PPP2R2D: variants seen among roughly 807,000 people sequenced by gnomAD.
The protein encoded by PPP2R2D is protein phosphatase 2 regulatory subunit Bdelta, also known as serine/threonine-protein phosphatase 2A 55 kDa regulatory subunit B delta isoform.
In PPP2R2D, 9 loss-of-function variants were observed where a neutral mutation model predicts 31.1. The ratio of observed to expected loss-of-function variants is 0.29; its 90% CI spans 0.17 to 0.51. The LOEUF (loss-of-function observed/expected upper bound fraction) is 0.51, where lower values mean the gene tolerates loss of function less well. Among genes scored for constraint, PPP2R2D ranks in the 20% least tolerant of loss-of-function variants. PPP2R2D has a pLI of 0.98. For synonymous variants in PPP2R2D, 179 were observed against 172.6 expected (o/e 1.04, Z -0.29); for missense variants, 391 against 465.6 (o/e 0.84, Z 1.48).
the PPP2R2D span, among the ~76,000 whole-genome samples, chr10:131,966,014 C>T: frequency 4.6e-5 from 7 of 152,216 alleles, no homozygotes; most frequent in African/African-American, 1.2e-4. Flanking sequence ...ATAAATACTG[C>T]GTATTTAGTT....
downstream of PPP2R2D, among the ~76,000 whole-genome samples, chr10:131,963,325 A>G (rs1554901750): frequency 6.6e-6 from 1 of 152,214 alleles, no homozygotes; most frequent in Non-Finnish European, 1.5e-5. Flanking sequence ...TTCTTAAAGA[A>G]GCTGTGAACT....
At chr10:131,968,709 A>C in the PPP2R2D span, 15 of 635,574 alleles carry the variant, frequency 2.4e-5, 1 homozygote, top group South Asian at 9.8e-5. Flanking sequence ...AAATTTTGTA[A>C]TGAATCTATC....
Position 131,904,928 on chromosome 10 carries a change from A to G in PPP2R2D, c.100+3598A>G, listed in dbSNP as rs900240382. ...ACTAATAGTTTTGGGCTGGGGAATC[A>G]GAATCAACCTATGGTGAAAGTGCTG... On this transcript the variant is annotated intron_variant, in intron 2 of 8. Coordinates refer to ENST00000455566, the MANE Select transcript of PPP2R2D (RefSeq NM_018461.5). Among the ~76,000 whole-genome samples the G allele has an allele frequency of 4.6e-5, 7 of 152,220 alleles. No individual in the cohort carries two copies. In the South Asian group the frequency reaches 8.3e-4, roughly 18 times the overall value.
intron 5 of PPP2R2D, among the ~76,000 whole-genome samples, chr10:131,943,168 G>T (rs1466940048): frequency 2.0e-5 from 3 of 152,072 alleles, no homozygotes; most frequent in East Asian, 3.9e-4. Flanking sequence ...TATTCCTCAC[G>T]CCTGAGCTCT....
Position 131,957,495 on chromosome 10 carries a change from G to C in PPP2R2D, c.*1532G>C, listed in dbSNP as rs1554900240. On this transcript the variant is annotated 3_prime_UTR_variant, in exon 9 of 9. Transcript: ENST00000455566. ...CATGCCCCTGTCTGGATGAAGGTGT[G>C]TGCTGATCCCCCGTCCCCCTGTGGA... is the stretch of plus-strand genomic sequence containing the variant. 5.3e-6 allele frequency: 1 copy of C among 187,866 alleles called. No homozygotes were observed. The allele number at this position is 187,866 out of a possible 1,614,324, so 11.6% of individuals were successfully genotyped here. A position where few individuals can be genotyped will look rare whatever the true frequency, so the allele number is the denominator to read the frequency against.
In PPP2R2D at chr10:131,947,585, A is replaced by T. The variant is rs1452911184; in HGVS notation, c.876A>T (p.Ser292=). 2.1e-5 allele frequency: 34 copies of T among 1,614,120 alleles called. No individual in the cohort carries two copies. Among genetic ancestry groups the T allele is most frequent in the Admixed American group, 1.8e-4 (11 of 60,010 alleles). ...SSRSFFSEII[S]SISDVKFSHS... is the part of the protein sequence containing the mutation. ...GGTCCTTCTTCTCAGAAATAATTTCATCCATATCCGATGTAAAATTCAGTC... is the reference window on the plus strand; with the variant it reads ...GGTCCTTCTTCTCAGAAATAATTTCTTCCATATCCGATGTAAAATTCAGTC... The change falls in exon 8 of 9, where the codon TCA becomes TCT. Residue 292 remains serine, a synonymous_variant. Coordinates refer to ENST00000455566, the MANE Select transcript of PPP2R2D (RefSeq NM_018461.5). The surrounding 1 kb of genome is among the most constrained non-coding windows in gnomAD (Gnocchi z 4.3).
chr10:131,913,997 G>A (rs956821762), intron 2 of PPP2R2D, among the ~76,000 whole-genome samples: 3 of 152,188 alleles, frequency 2.0e-5, no homozygotes, highest in Non-Finnish European at 4.4e-5. Flanking sequence ...ACCTACCACT[G>A]CACCGGCACA....
chr10:131,910,856 A>G (rs1282546141), intron 2 of PPP2R2D, among the ~76,000 whole-genome samples: 2 of 152,140 alleles, frequency 1.3e-5, no homozygotes, highest in African/African-American at 4.8e-5. Flanking sequence ...CTGAAGGTTA[A>G]GCTGATCACC....
chr10:131,905,331 C>G (rs1255941392), intron 2 of PPP2R2D, among the ~76,000 whole-genome samples: 2 of 152,194 alleles, frequency 1.3e-5, no homozygotes, highest in Non-Finnish European at 2.9e-5. Flanking sequence ...TGGCTCCTTT[C>G]TGGAAATTGT....
chr10:131,929,117 C>T (rs1241197439), intron 2 of PPP2R2D, among the ~76,000 whole-genome samples: 1 of 152,204 alleles, frequency 6.6e-6, no homozygotes, highest in African/African-American at 2.4e-5. Flanking sequence ...CTTGTCATTG[C>T]CCCCTGTACT....
chr10:131,960,209 C>T (rs989155353), downstream of PPP2R2D, among the ~76,000 whole-genome samples: 7 of 152,150 alleles, frequency 4.6e-5, no homozygotes, highest in Non-Finnish European at 7.4e-5. Flanking sequence ...TCAACAGGCG[C>T]GGAGGAAGAC....
chr10:131,964,826 A>C (rs76935954), downstream of PPP2R2D, among the ~76,000 whole-genome samples: 224 of 152,022 alleles, frequency 1.5e-3, 2 homozygotes, highest in African/African-American at 5.3e-3. Flanking sequence ...TTCCCCCCCA[A>C]AACAGTTATT....
chr10:131,910,293 G>T lies in PPP2R2D; in HGVS notation c.100+8963G>T, dbSNP rs966225258. 2.1e-4 allele frequency among the ~76,000 whole-genome samples: 32 copies of T among 150,932 alleles called. 1 individual carries two copies. Among genetic ancestry groups the T allele is most frequent in the African/African-American group, 7.3e-4 (30 of 41,128 alleles). On this transcript the variant is annotated intron_variant, in intron 2 of 8. Transcript: ENST00000455566. ...TTTGGAAATATTGTTACATGGAGTT[G>T]TTTTTTTTTCTAAATGTTAACACAT...
At chr10:131,907,289 C>G (rs1442407834) in intron 2 of PPP2R2D, among the ~76,000 whole-genome samples, 1 of 151,910 alleles carries the variant, frequency 6.6e-6, no homozygotes, top group Non-Finnish European at 1.5e-5. Flanking sequence ...TTTTCATTTA[C>G]TTAATATTTA....
chr10:131,901,920 C>G (rs984229942), intron 2 of PPP2R2D, among the ~76,000 whole-genome samples: 65 of 152,366 alleles, frequency 4.3e-4, no homozygotes, highest in African/African-American at 1.6e-3. Flanking sequence ...GCTACTTTCT[C>G]TACTGATATA....
Position 131,916,837 on chromosome 10 carries a change from T to C in PPP2R2D, c.100+15507T>C, listed in dbSNP as rs558849433. ...GGACCTCAGTCGGGTGGAATGACAG[T>C]GTTTGTAGGGACCTCAGGCGGGTGG... is the stretch of plus-strand genomic sequence containing the variant. On this transcript the variant is annotated intron_variant, in intron 2 of 8. Transcript: ENST00000455566. 7.6e-3 allele frequency among the ~76,000 whole-genome samples: 929 copies of C among 122,036 alleles called. 11 individuals are homozygous for C. Among genetic ancestry groups the C allele is most frequent in the African/African-American group, 0.029 (894 of 31,204 alleles). 80.1% of individuals were successfully genotyped at this position (122,036 alleles called of 152,430 possible).
At position 131,947,343 on chromosome 10, in the gene PPP2R2D, G is replaced by A. The variant is rs933141665; in HGVS notation, c.821-187G>A. 2.0e-5 allele frequency among the ~76,000 whole-genome samples: 3 copies of A among 152,086 alleles called. No individual in the cohort carries two copies. The highest frequency in any genetic ancestry group is 4.8e-5 in the African/African-American group (2 of 41,396). On this transcript the variant is annotated intron_variant, in intron 7 of 8. Transcript: ENST00000455566. The surrounding 1 kb of genome is among the most constrained non-coding windows in gnomAD (Gnocchi z 4.3). ...TAGCTGGTGCTAGAATGTCTTATCCGAAGCTCTTGCCCACGGAAGTCACAG... is the reference window on the plus strand; with the variant it reads ...TAGCTGGTGCTAGAATGTCTTATCCAAAGCTCTTGCCCACGGAAGTCACAG...
At chr10:131,911,426 A>G (rs2035680917) in intron 2 of PPP2R2D, 1 of 152,252 alleles carries the variant, frequency 6.6e-6, no homozygotes, top group Non-Finnish European at 1.5e-5. Context: ...GGATGCAGCA[A>G]AAGTTCTTTT....
intron 2 of PPP2R2D, among the ~76,000 whole-genome samples, chr10:131,920,412 C>T (rs1364007480): frequency 6.6e-6 from 1 of 152,030 alleles, no homozygotes; most frequent in Admixed American, 6.5e-5. Context: ...GTGTAGGGAC[C>T]TCACGCGGGT....
Sources: allele counts gnomAD v4.1 joint callset (sites outside exome capture counted in the v4.1 genomes callset), GRCh38; gene constraint gnomAD v4.1.1; non-coding constraint Gnocchi (gnomAD v3.1); transcripts MANE v1.5; gene names NCBI Gene and HGNC (gene_info 2026-07-23, HGNC 2026-07-21).